PICALM: variants seen among roughly 807,000 people sequenced by gnomAD.
PICALM encodes phosphatidylinositol-binding clathrin assembly protein.
A neutral mutation model predicts 80.5 loss-of-function variants in PICALM; 40 were observed. The ratio of observed to expected loss-of-function variants is 0.50; its 90% confidence interval spans 0.39 to 0.65. The LOEUF is 0.65. Ranked by LOEUF, PICALM falls within the 30% of genes least tolerant of loss-of-function variation. PICALM has a pLI of 0.00. For missense variants in PICALM, 676 were observed against 778.9 expected (o/e 0.87, Z 1.57); for synonymous variants, 288 against 260.3 (o/e 1.11, Z -1.02).
chr11:86,067,558 T>A (rs1422956270), intron 1 of PICALM, among the ~76,000 whole-genome samples: 2 of 152,204 alleles, frequency 1.3e-5, no homozygotes, highest in East Asian at 3.8e-4. Flanking sequence ...GGACGAATAC[T>A]ATGTCGTGTA....
chr11:85,999,263 A>C (rs1480649692), intron 11 of PICALM, among the ~76,000 whole-genome samples: 1 of 152,152 alleles, frequency 6.6e-6, no homozygotes, highest in Non-Finnish European at 1.5e-5. Context: ...AGTAGATATA[A>C]ACGCATTTAG....
intron 4 of PICALM, among the ~76,000 whole-genome samples, chr11:86,016,965 T>TA (rs1247490062): frequency 9.2e-5 from 14 of 152,208 alleles, no homozygotes; most frequent in African/African-American, 3.4e-4. Flanking sequence ...CTCACGCTTG[T>TA]AATCCCAGCA....
intron 19 of PICALM, among the ~76,000 whole-genome samples, chr11:85,963,920 C>CTTTTTTTTTTTTT (rs10686143): frequency 5.5e-5 from 4 of 72,888 alleles, no homozygotes; most frequent in Non-Finnish European, 7.6e-5. Context: ...CCACACCTGG[C>CTTTTTTTTTTTTT]TTTTTTTTTT....
At chr11:85,992,017 G>C (rs147039599) in intron 12 of PICALM, among the ~76,000 whole-genome samples, 3,944 of 152,048 alleles carry the variant, frequency 0.026, 180 homozygotes, top group African/African-American at 0.09. Flanking sequence ...CACCATGCCT[G>C]GCTAATTTAA....
chr11:85,979,135 G>A (rs1445078713), intron 17 of PICALM, among the ~76,000 whole-genome samples: 1 of 152,110 alleles, frequency 6.6e-6, no homozygotes, highest in African/African-American at 2.4e-5. Context: ...ACATTTACAT[G>A]TTTAAGATTG....
At chr11:86,052,760 T>C (rs906451442) in intron 1 of PICALM, among the ~76,000 whole-genome samples, 9 of 152,198 alleles carry the variant, frequency 5.9e-5, no homozygotes, top group Non-Finnish European at 1.3e-4. Flanking sequence ...AAGCTATATC[T>C]AAAGGTCATA....
chr11:86,001,116 A>C lies in PICALM; in HGVS notation c.936T>G (p.Thr312=). 1 of 1,614,078 alleles carries C rather than the reference A, an allele frequency of 6.2e-7. No individual in the cohort carries two copies. Among genetic ancestry groups the C allele is most frequent in the Non-Finnish European group, 8.5e-7 (1 of 1,179,914 alleles). ...CATCCACTTTGGTCAGAGATAGACCAGTGCTTGCCAGGGAAGACACTGCAT... is the reference window on the plus strand; with the variant it reads ...CATCCACTTTGGTCAGAGATAGACCCGTGCTTGCCAGGGAAGACACTGCAT... ...LSNAVSSLAS[T]GLSLTKVDER... is the part of the protein sequence containing the mutation. Residue 312 remains threonine, a synonymous_variant, in exon 10 of 20, where the codon ACT becomes ACG. Coordinates refer to ENST00000393346, the MANE Select transcript of PICALM (RefSeq NM_007166.4).
intron 1 of PICALM, among the ~76,000 whole-genome samples, chr11:86,063,642 GA>G (rs1279321013): frequency 6.6e-6 from 1 of 151,928 alleles, no homozygotes; most frequent in African/African-American, 2.4e-5. Flanking sequence ...CATGGCGACA[GA>G]AAAAATAAAA....
chr11:86,036,882 G>C (rs1388804811), intron 1 of PICALM, among the ~76,000 whole-genome samples: 2 of 148,830 alleles, frequency 1.3e-5, no homozygotes, highest in Non-Finnish European at 3.0e-5. Flanking sequence ...TAGGATGACT[G>C]CTTGAGGTCA....
At chr11:85,968,997 C>T (rs947348584) in intron 19 of PICALM, among the ~76,000 whole-genome samples, 43 of 123,764 alleles carry the variant, frequency 3.5e-4, no homozygotes, top group African/African-American at 8.7e-4. Flanking sequence ...CACACACACA[C>T]GGAGAAAAGG....
chr11:86,056,224 G>A (rs539870066), intron 1 of PICALM, among the ~76,000 whole-genome samples: 3 of 141,606 alleles, frequency 2.1e-5, no homozygotes, highest in East Asian at 4.1e-4. Flanking sequence ...TCAAGAAAGT[G>A]ACAAGCCAAG....
At chr11:86,040,505 G>A (rs954942674) in intron 1 of PICALM, among the ~76,000 whole-genome samples, 7 of 152,088 alleles carry the variant, frequency 4.6e-5, no homozygotes, top group Admixed American at 1.3e-4. Flanking sequence ...CACTCAGCCA[G>A]ATTACTTTTT....
chr11:85,984,078 A>G, intron 13 of PICALM, 105 bp from the exon 14 acceptor site: 1 of 610,238 alleles, frequency 1.6e-6, no homozygotes, highest in Non-Finnish European at 2.9e-6. Context: ...AATTCCCCAC[A>G]CAAAAACAAA....
At chr11:86,048,897 A>G (rs1446207778) in intron 1 of PICALM, among the ~76,000 whole-genome samples, 1 of 152,088 alleles carries the variant, frequency 6.6e-6, no homozygotes, top group Non-Finnish European at 1.5e-5. Context: ...CAGTCATTAA[A>G]CAGCTGGTTT....
intron 11 of PICALM, among the ~76,000 whole-genome samples, chr11:85,999,909 G>C (rs754946496): frequency 1.3e-5 from 2 of 152,224 alleles, no homozygotes; most frequent in Non-Finnish European, 2.9e-5. Context: ...CTAGGATTGG[G>C]ACTCAGATAT....
At chr11:85,976,914 C>G (rs955696509) in intron 17 of PICALM, 12 of 352,018 alleles carry the variant, frequency 3.4e-5, no homozygotes, top group Non-Finnish European at 5.8e-5. Context: ...AACTTAGATA[C>G]AGCAGTGATC....
intron 3 of PICALM, 47 bp downstream of exon 3, chr11:86,026,245 G>A: frequency 2.0e-6 from 2 of 987,180 alleles, no homozygotes; most frequent in Admixed American, 1.8e-5. Flanking sequence ...TAATCATCAT[G>A]TGGGTGTCAT....
chr11:86,028,044 A>G (rs1199447920), intron 2 of PICALM, among the ~76,000 whole-genome samples: 1 of 152,186 alleles, frequency 6.6e-6, no homozygotes, highest in East Asian at 1.9e-4. Flanking sequence ...TTCGTCTACC[A>G]GGCCATTTCA....
chr11:85,982,197 T>C, intron 14 of PICALM, 194 bp from the exon 15 acceptor site: 2 of 539,704 alleles, frequency 3.7e-6, no homozygotes, highest in Admixed American at 6.2e-5. Context: ...GAAGGCTGTA[T>C]TTGCTTTGAC....
Sources: allele counts gnomAD v4.1 joint callset (sites outside exome capture counted in the v4.1 genomes callset), GRCh38; gene constraint gnomAD v4.1.1; transcripts MANE v1.5; gene names NCBI Gene and HGNC (gene_info 2026-07-23, HGNC 2026-07-21).